Variants in LARGE1 observed in about 807,000 individuals in gnomAD.
The protein encoded by LARGE1 is LARGE xylosyl- and glucuronyltransferase 1.
In LARGE1, 43 loss-of-function variants were observed where a neutral mutation model predicts 87.6. That is an observed-to-expected ratio of 0.49 (90% CI 0.38 to 0.63). The LOEUF is 0.63. Ranked by LOEUF, LARGE1 falls within the 30% of genes least tolerant of loss-of-function variation. The probability of loss-of-function intolerance (pLI) is 0.00; values close to 1 mark genes in which losing one functional copy is unlikely to be tolerated. For missense variants in LARGE1, 802 were observed against 1,000.2 expected (o/e 0.80, Z 2.67); for synonymous variants, 434 against 394.6 (o/e 1.10, Z -1.18).
At chr22:33,896,600 G>T (rs2065151842) in intron 1 of LARGE1, among the ~76,000 whole-genome samples, 1 of 152,150 alleles carries the variant, frequency 6.6e-6, no homozygotes, top group Non-Finnish European at 1.5e-5. Context: ...ACGTCCTATT[G>T]TTAGCACCAT....
At chr22:33,692,114 C>T (rs918284905) in intron 2 of LARGE1, among the ~76,000 whole-genome samples, 1 of 152,008 alleles carries the variant, frequency 6.6e-6, no homozygotes, top group Non-Finnish European at 1.5e-5. Context: ...AAGCAAACTG[C>T]CCACTTCCCT....
intron 1 of LARGE1, among the ~76,000 whole-genome samples, chr22:33,772,713 C>G (rs2085108910): frequency 6.6e-6 from 1 of 151,304 alleles, no homozygotes; most frequent in Non-Finnish European, 1.5e-5. Context: ...CTAAATTAAA[C>G]AATTATTTGA....
At chr22:33,699,144 G>A (rs923582751) in intron 2 of LARGE1, among the ~76,000 whole-genome samples, 2 of 152,168 alleles carry the variant, frequency 1.3e-5, no homozygotes, top group African/African-American at 4.8e-5. Context: ...CATCTGCTCG[G>A]CAAGTAGAGA....
chr22:33,604,839 G>T (rs1047008752), intron 4 of LARGE1, among the ~76,000 whole-genome samples: 1 of 152,080 alleles, frequency 6.6e-6, no homozygotes, highest in Non-Finnish European at 1.5e-5. Flanking sequence ...CCTGTTATTA[G>T]GATTCATTTT....
chr22:33,626,344 CG>C lies in LARGE1; in HGVS notation c.409-19del. On this transcript the variant is annotated intron_variant, in intron 3 of 14. Transcript: ENST00000397394. ...TGGATTGTCTGGGAAGAAAAGAAGA[CG>C]GGGTGAGCAGTCAGACAGACGGAAG... The C allele has an allele frequency of 6.2e-7, 1 of 1,606,648 alleles. No homozygotes were observed. The highest frequency in any genetic ancestry group is 8.5e-7 in the Non-Finnish European group (1 of 1,173,412).
At chr22:33,886,864 CT>C (rs955293344) in intron 1 of LARGE1, among the ~76,000 whole-genome samples, 6 of 152,132 alleles carry the variant, frequency 3.9e-5, no homozygotes, top group Non-Finnish European at 8.8e-5. Context: ...AAAGACACCC[CT>C]GGCTCTTGTG....
intron 4 of LARGE1, among the ~76,000 whole-genome samples, chr22:33,625,429 A>T (rs2079890025): frequency 6.6e-6 from 1 of 152,190 alleles, no homozygotes; most frequent in African/African-American, 2.4e-5. Context: ...ACCAATCCTT[A>T]GGATGATGGT....
At chr22:33,264,072 G>T (rs192978881) in intron 11 of LARGE1, among the ~76,000 whole-genome samples, 1 of 152,180 alleles carries the variant, frequency 6.6e-6, no homozygotes, top group African/African-American at 2.4e-5. Context: ...AGCATAGCAA[G>T]GACTGCCCAA....
chr22:33,882,045 G>GTTTTTTTTTTTTTTTTTT (rs3216428), intron 1 of LARGE1, among the ~76,000 whole-genome samples: 3 of 130,868 alleles, frequency 2.3e-5, no homozygotes, highest in African/African-American at 9.9e-5. Context: ...GTTTTTTTTT[G>GTTTTTTTTTTTTTTTTTT]TTTTTTTTTT....
intron 11 of LARGE1, among the ~76,000 whole-genome samples, chr22:33,197,166 A>G (rs1480178684): frequency 6.0e-5 from 9 of 150,316 alleles, no homozygotes; most frequent in Non-Finnish European, 1.2e-4. Context: ...GAAGAGCTAC[A>G]AAAATCCCAC....
chr22:33,411,328 G>A (rs1398930087), intron 7 of LARGE1, among the ~76,000 whole-genome samples: 2 of 152,200 alleles, frequency 1.3e-5, no homozygotes, highest in African/African-American at 4.8e-5. Flanking sequence ...AACGATCCAT[G>A]GCTTCAAACA....
intron 1 of LARGE1, among the ~76,000 whole-genome samples, chr22:33,766,631 G>C (rs1041682406): frequency 9.9e-5 from 15 of 151,800 alleles, no homozygotes; most frequent in African/African-American, 3.6e-4. Flanking sequence ...CACCATGTTA[G>C]CCAGGCTGGT....
intron 2 of LARGE1, chr22:33,732,647 T>C (rs1311571753): frequency 2.6e-5 from 4 of 152,220 alleles, no homozygotes; most frequent in African/African-American, 4.8e-5. Context: ...AATGGAAGAA[T>C]AGGTGAGTAA....
chr22:33,343,519 G>A (rs1296462460), intron 9 of LARGE1, among the ~76,000 whole-genome samples: 2 of 151,940 alleles, frequency 1.3e-5, no homozygotes, highest in Non-Finnish European at 2.9e-5. Flanking sequence ...TGTGATCATG[G>A]GATTATAGAG....
At chr22:33,554,038 C>A (rs1320069963) in intron 6 of LARGE1, among the ~76,000 whole-genome samples, 2 of 152,164 alleles carry the variant, frequency 1.3e-5, no homozygotes, top group Admixed American at 1.3e-4. Context: ...CTTTTCAACG[C>A]AGCGGCAGCT....
chr22:33,617,312 G>A (rs1479914681), intron 4 of LARGE1, among the ~76,000 whole-genome samples: 2 of 152,190 alleles, frequency 1.3e-5, no homozygotes, highest in Non-Finnish European at 2.9e-5. Context: ...ACTCAGGAAG[G>A]TAAGAAATAG....
chr22:33,099,945 A>G, the LARGE1 span, among the ~76,000 whole-genome samples: 4 of 152,166 alleles, frequency 2.6e-5, no homozygotes, highest in East Asian at 5.8e-4. Flanking sequence ...AACTTTACAG[A>G]GATTATTGGA....
intron 6 of LARGE1, among the ~76,000 whole-genome samples, chr22:33,432,757 G>C (rs1322616775): frequency 6.6e-6 from 1 of 152,168 alleles, no homozygotes; most frequent in Non-Finnish European, 1.5e-5. Context: ...AGGGAGGAGG[G>C]ATTACCCTTG....
intron 2 of LARGE1, among the ~76,000 whole-genome samples, chr22:33,675,875 G>A (rs1414420112): frequency 1.4e-5 from 2 of 145,344 alleles, no homozygotes; most frequent in Non-Finnish European, 2.9e-5. Flanking sequence ...TAAATAATTG[G>A]AAAGTTAAAT....
Sources: allele counts gnomAD v4.1 joint callset (sites outside exome capture counted in the v4.1 genomes callset), GRCh38; gene constraint gnomAD v4.1.1; transcripts MANE v1.5; gene names NCBI Gene and HGNC (gene_info 2026-07-23, HGNC 2026-07-21).